Variants in ZNF536 observed in about 807,000 individuals in gnomAD.
ZNF536 encodes the protein zinc finger protein 536.
Under a neutral mutation model 84.5 loss-of-function variants are expected in ZNF536, and 13 were observed. The ratio of observed to expected loss-of-function variants is 0.15; its 90% CI spans 0.10 to 0.24. The LOEUF (loss-of-function observed/expected upper bound fraction) is 0.24, where lower values mean the gene tolerates loss of function less well. Among genes scored for constraint, ZNF536 ranks in the 10% least tolerant of loss-of-function variants. The probability of loss-of-function intolerance (pLI) is 1.00; values close to 1 mark genes in which losing one functional copy is unlikely to be tolerated. For missense variants in ZNF536, 1,536 were observed against 1,747.5 expected (o/e 0.88, Z 2.16); for synonymous variants, 811 against 742.5 (o/e 1.09, Z -1.50).
intron 1 of ZNF536, among the ~76,000 whole-genome samples, chr19:30,611,451 CAG>C (rs1344595686): frequency 6.6e-6 from 1 of 152,178 alleles, no homozygotes; most frequent in African/African-American, 2.4e-5. Context: ...TTGATAAAGA[CAG>C]AAATAAAAGG....
At chr19:30,330,314 C>T (rs2047169175) in intron 2 of ZNF536, among the ~76,000 whole-genome samples, 2 of 152,126 alleles carry the variant, frequency 1.3e-5, no homozygotes, top group Admixed American at 6.5e-5. Flanking sequence ...AGTTGTGGAA[C>T]CGAGGCAGAA....
intron 1 of ZNF536, among the ~76,000 whole-genome samples, chr19:30,694,149 G>T (rs886969687): frequency 6.6e-6 from 1 of 152,294 alleles, no homozygotes; most frequent in East Asian, 1.9e-4. Context: ...CTCCCCTTGT[G>T]GCTTTCCTGG....
chr19:30,495,805 C>T (rs1185158184), intron 2 of ZNF536, among the ~76,000 whole-genome samples: 1 of 152,116 alleles, frequency 6.6e-6, no homozygotes, highest in African/African-American at 2.4e-5. Flanking sequence ...GGGTGTGACT[C>T]AGAGAAGAAA....
chr19:30,382,972 A>G (rs897814911), intron 1 of ZNF536, among the ~76,000 whole-genome samples: 1 of 152,186 alleles, frequency 6.6e-6, no homozygotes, highest in African/African-American at 2.4e-5. Context: ...TTAAAATCAA[A>G]TATATTTCTT....
chr19:30,254,591 A>T (rs1425586012), intron 1 of ZNF536, among the ~76,000 whole-genome samples: 1 of 151,546 alleles, frequency 6.6e-6, no homozygotes, highest in Non-Finnish European at 1.5e-5. Flanking sequence ...TTTTTGAAAA[A>T]AAAAAAAAAA....
At chr19:30,489,670 C>A (rs2054432151) in intron 2 of ZNF536, among the ~76,000 whole-genome samples, 1 of 151,958 alleles carries the variant, frequency 6.6e-6, no homozygotes, top group Non-Finnish European at 1.5e-5. Flanking sequence ...CTGTATGTAA[C>A]TTGTTTTGTT....
chr19:30,469,573 C>G (rs1234527586), intron 2 of ZNF536, among the ~76,000 whole-genome samples: 22 of 152,128 alleles, frequency 1.4e-4, no homozygotes, highest in Non-Finnish European at 1.5e-5. Flanking sequence ...CTGGGGTGCC[C>G]AACAACCCTT....
chr19:30,577,384 T>C (rs940552469), intron 1 of ZNF536, among the ~76,000 whole-genome samples: 2 of 152,230 alleles, frequency 1.3e-5, no homozygotes, highest in Non-Finnish European at 2.9e-5. Context: ...TGGGGTAATA[T>C]ACTGTGCAGA....
chr19:30,538,639 G>A (rs957122773), intron 3 of ZNF536, among the ~76,000 whole-genome samples: 1 of 152,158 alleles, frequency 6.6e-6, no homozygotes, highest in African/African-American at 2.4e-5. Context: ...GGAGGCTGCT[G>A]CAGGATCTCG....
At chr19:30,458,577 C>T (rs1409485142) in intron 2 of ZNF536, among the ~76,000 whole-genome samples, 4 of 151,474 alleles carry the variant, frequency 2.6e-5, no homozygotes, top group East Asian at 1.9e-4. Flanking sequence ...CTCAGCCTCC[C>T]GAGTAGCTGG....
At chr19:30,700,205 T>C (rs866713939) in intron 1 of ZNF536, among the ~76,000 whole-genome samples, 140 of 112,344 alleles carry the variant, frequency 1.2e-3, no homozygotes, top group Middle Eastern at 4.8e-3. Flanking sequence ...TCTTTCCTTC[T>C]TTCTTTCCTT....
At chr19:30,500,655 G>C (rs1270781735) in intron 2 of ZNF536, among the ~76,000 whole-genome samples, 1 of 150,930 alleles carries the variant, frequency 6.6e-6, no homozygotes, top group African/African-American at 2.4e-5. Flanking sequence ...GCTTGCTCCT[G>C]GTTCTAGAAT....
At chr19:30,531,873 C>T (rs185073562) in intron 2 of ZNF536, among the ~76,000 whole-genome samples, 12 of 152,208 alleles carry the variant, frequency 7.9e-5, no homozygotes, top group Admixed American at 2.0e-4. Flanking sequence ...GATCTACCCA[C>T]CTCGGTGTCC....
rs376409467 is a variant in ZNF536 at position 30,326,752 on chromosome 19, A to T, written c.-119-25616A>T. Among the ~76,000 whole-genome samples, 113 of 86,906 alleles carry T rather than the reference A, an allele frequency of 1.3e-3. No homozygotes were observed. In the East Asian group the frequency reaches 0.025, roughly 19 times the overall value. 57.0% of individuals were successfully genotyped at this position (86,906 alleles called of 152,430 possible). A position where few individuals can be genotyped will look rare whatever the true frequency, so the allele number is the denominator to read the frequency against. On this transcript the variant is annotated intron_variant, in intron 2 of 5. Transcript: ENST00000585628. ...ACAAATGGCCCTGGAAAGACACGCG[A>T]TGATTTTTTTTTAACTGGGAGATTT... is the stretch of plus-strand genomic sequence containing the variant.
chr19:30,333,078 G>A lies in ZNF536; in HGVS notation c.-119-19290G>A, dbSNP rs115883974. Among the ~76,000 whole-genome samples, 1,229 of 152,034 alleles carry A rather than the reference G, an allele frequency of 8.1e-3. 17 individuals are homozygous for A. Among genetic ancestry groups the A allele is most frequent in the African/African-American group, 0.029 (1,195 of 41,442 alleles). ...AATCCTAGGGCAGCGTCCCATTTTC[G>A]ACCTTCTGCCATTGCCCATGGCAGA... On this transcript the variant is annotated intron_variant, in intron 2 of 5. Transcript: ENST00000585628.
rs796995080 is a variant in ZNF536 at position 30,378,172 on chromosome 19, G to GT, written c.-3+5623dup. On this transcript the variant is annotated intron_variant, in intron 1 of 4. Transcript: ENST00000355537. ...AACCAAGTTTGGGTCTACTTTTTAT[G>GT]TTTTTTTAAAGACAAATTTTCACTC... Among the ~76,000 whole-genome samples, 9 of 152,128 alleles carry GT rather than the reference G, an allele frequency of 5.9e-5. No individual in the cohort carries two copies. The South Asian group carries it at 1.9e-3, about 32-fold the overall frequency.
chr19:30,261,070 G>A (rs1470377573), intron 1 of ZNF536, among the ~76,000 whole-genome samples: 1 of 151,144 alleles, frequency 6.6e-6, no homozygotes, highest in African/African-American at 2.4e-5. Flanking sequence ...AGGCCGAGGC[G>A]GGCGGATCAC....
At chr19:30,654,169 C>T (rs1009560973) in intron 1 of ZNF536, among the ~76,000 whole-genome samples, 7 of 152,176 alleles carry the variant, frequency 4.6e-5, no homozygotes, top group Non-Finnish European at 7.3e-5. Context: ...TACCTGGCAG[C>T]AGGTGTGAGC....
At position 30,412,999 on chromosome 19, in the gene ZNF536, A is replaced by C. The variant is rs538576880; in HGVS notation, c.-2-30562A>C. ...CATTTATTTTAGTGTAGATTTTCAAATTTAATGGTATAAAGTTGTTCTGTA... is the reference window on the plus strand; with the variant it reads ...CATTTATTTTAGTGTAGATTTTCAACTTTAATGGTATAAAGTTGTTCTGTA... On this transcript the variant is annotated intron_variant, in intron 1 of 4. Transcript: ENST00000355537. 1.2e-4 allele frequency among the ~76,000 whole-genome samples: 18 copies of C among 151,604 alleles called. 1 individual carries two copies. In the South Asian group the frequency reaches 3.5e-3, roughly 30 times the overall value.
Sources: allele counts gnomAD v4.1 joint callset (sites outside exome capture counted in the v4.1 genomes callset), GRCh38; gene constraint gnomAD v4.1.1; transcripts MANE v1.5; gene names NCBI Gene and HGNC (gene_info 2026-07-23, HGNC 2026-07-21).